Variants in MYO3A observed in about 807,000 individuals in gnomAD.
The protein encoded by MYO3A is myosin-IIIa.
MYO3A carries 180 observed loss-of-function variants against 192.7 expected under a neutral mutation model. The ratio of observed to expected loss-of-function variants is 0.93; its 90% CI spans 0.83 to 1.06. The LOEUF (loss-of-function observed/expected upper bound fraction) is 1.06. Among genes scored for constraint, MYO3A ranks in the 50% least tolerant of loss-of-function variants. MYO3A has a pLI of 0.00. For missense variants in MYO3A, 1,896 were observed against 1,905.0 expected (o/e 1.00, Z 0.09); for synonymous variants, 628 against 645.3 (o/e 0.97, Z 0.41).
chr10:26,029,819 C>T (rs1842726865), intron 10 of MYO3A, among the ~76,000 whole-genome samples: 1 of 152,066 alleles, frequency 6.6e-6, no homozygotes, highest in South Asian at 2.1e-4. Context: ...TATTTGGTTT[C>T]CTTAGTCTAG....
intron 6 of MYO3A, among the ~76,000 whole-genome samples, chr10:26,016,473 A>C (rs923542807): frequency 6.6e-6 from 1 of 152,234 alleles, no homozygotes; most frequent in Non-Finnish European, 1.5e-5. Context: ...CATTCAAATA[A>C]CAATTACATG....
Position 26,128,518 on chromosome 10 carries a change from CAT to C in MYO3A, c.2243_2244del (p.His748ArgfsTer8), listed in dbSNP as rs1564576574. 1.9e-6 allele frequency: 3 copies of C among 1,611,290 alleles called. No individual in the cohort carries two copies. The African/African-American group carries it at 4.0e-5, about 22-fold the overall frequency. The stretch of plus-strand genomic sequence containing the variant: ...ACAAATTCAGTATTATTATAATCAA[CAT>C]GTGTTTGCATGGGAACAGGTAAGTC... ...NEQIQYYYNQ[H>X]VFAWEQNEYL... is the part of the protein sequence containing the mutation. On this transcript the variant is annotated frameshift_variant, in exon 20 of 35. Transcript: ENST00000642920. LOFTEE classifies it high-confidence loss of function.
At chr10:26,112,467 G>C (rs986866303) in intron 17 of MYO3A, among the ~76,000 whole-genome samples, 2 of 152,154 alleles carry the variant, frequency 1.3e-5, no homozygotes, top group African/African-American at 2.4e-5. Flanking sequence ...GACAATAGCT[G>C]CTTCTAATCT....
In MYO3A at chr10:26,193,193, CCTTT is replaced by C. The variant is rs759243271; in HGVS notation, c.4439-8_4439-5del. 1.3e-6 allele frequency: 2 copies of C among 1,582,140 alleles called. No individual in the cohort carries two copies. The highest frequency in any genetic ancestry group is 2.2e-5 in the East Asian group (1 of 44,696). Reference sequence around the variant, plus strand: ...GTAATTAAATACTTGTTTATGATCACCTTTCTTATAGGTGTCTGTAAAGGAGAGG... The same window carrying C: ...GTAATTAAATACTTGTTTATGATCACCTTATAGGTGTCTGTAAAGGAGAGG... On this transcript the variant is annotated splice_region_variant and splice_polypyrimidine_tract_variant and intron_variant, in intron 31 of 34. Transcript: ENST00000642920.
intron 10 of MYO3A, among the ~76,000 whole-genome samples, chr10:26,046,821 G>A (rs1322265671): frequency 1.3e-5 from 2 of 152,200 alleles, no homozygotes; most frequent in African/African-American, 2.4e-5. Flanking sequence ...TGAAGTTCAC[G>A]TGGAATCATT....
chr10:26,016,924 C>T (rs371428057), intron 7 of MYO3A, 28 bp downstream of exon 7: 77 of 1,593,094 alleles, frequency 4.8e-5, no homozygotes, highest in Admixed American at 1.0e-4. Flanking sequence ...GGCAGACAAA[C>T]GTAATAGCTG....
intron 14 of MYO3A, among the ~76,000 whole-genome samples, chr10:26,073,647 AATGAT>A (rs1835353304): frequency 4.6e-5 from 2 of 43,766 alleles, no homozygotes; most frequent in African/African-American, 5.9e-5. Context: ...TAATAATAAT[AATGAT>A]AATAAATAAA....
intron 4 of MYO3A, among the ~76,000 whole-genome samples, chr10:25,974,297 T>A (rs955879798): frequency 1.3e-5 from 2 of 152,186 alleles, no homozygotes; most frequent in Non-Finnish European, 2.9e-5. Flanking sequence ...AAATAATTTT[T>A]TAAAAGGTAT....
intron 4 of MYO3A, among the ~76,000 whole-genome samples, chr10:25,977,600 A>T (rs1839037870): frequency 6.6e-6 from 1 of 152,156 alleles, no homozygotes; most frequent in Non-Finnish European, 1.5e-5. Context: ...TAAAAATTAA[A>T]ATAAGTGGGG....
intron 10 of MYO3A, among the ~76,000 whole-genome samples, chr10:26,061,303 T>C (rs1834463851): frequency 6.6e-6 from 1 of 152,168 alleles, no homozygotes; most frequent in Non-Finnish European, 1.5e-5. Flanking sequence ...CACAACTTTC[T>C]CAAGGTATAG....
intron 10 of MYO3A, among the ~76,000 whole-genome samples, chr10:26,050,469 C>T (rs1229312609): frequency 1.3e-5 from 2 of 152,312 alleles, no homozygotes; most frequent in East Asian, 1.9e-4. Flanking sequence ...GTTAAAGGGA[C>T]TGTGCCACTC....
At chr10:26,052,914 G>A (rs1844091308) in intron 10 of MYO3A, among the ~76,000 whole-genome samples, 1 of 151,866 alleles carries the variant, frequency 6.6e-6, no homozygotes, top group Admixed American at 6.6e-5. Flanking sequence ...TGACAACACT[G>A]AAAGAAAATA....
rs757850769 is a variant in MYO3A, at chr10:26,024,107, T to TA, written c.797+26dup. The TA allele has an allele frequency of 2.0e-5, 32 of 1,596,926 alleles. No homozygotes were observed. In the East Asian group the frequency reaches 6.5e-4, roughly 32 times the overall value. ...AAGCAAGTGAGTAAAAACAGTCTTT[T>TA]AAAAAACCAAAGATATTCCCTCCTG... On this transcript the variant is annotated intron_variant, in intron 9 of 34. Transcript: ENST00000642920.
chr10:25,946,696 G>A (rs1233811191), intron 2 of MYO3A, among the ~76,000 whole-genome samples: 2 of 151,262 alleles, frequency 1.3e-5, no homozygotes, highest in Non-Finnish European at 2.9e-5. Flanking sequence ...TGGCTAACAC[G>A]GTGAAACCCC....
intron 17 of MYO3A, among the ~76,000 whole-genome samples, chr10:26,115,902 T>C (rs1838473507): frequency 6.6e-6 from 1 of 152,210 alleles, no homozygotes; most frequent in South Asian, 2.1e-4. Context: ...CAAAATATGT[T>C]CTGCTTTTCA....
chr10:25,949,231 T>C (rs191153838), intron 2 of MYO3A, among the ~76,000 whole-genome samples: 2 of 152,240 alleles, frequency 1.3e-5, no homozygotes, highest in East Asian at 3.9e-4. Context: ...TTTGCACATA[T>C]TTGTTGTTCA....
At chr10:26,090,732 T>C (rs16926578) in intron 15 of MYO3A, among the ~76,000 whole-genome samples, 8,572 of 152,270 alleles carry the variant, frequency 0.056, 304 homozygotes, top group African/African-American at 0.087. Flanking sequence ...TGCACTGTTA[T>C]CAATCAGGGT....
chr10:26,122,902 G>A (rs1272296764), intron 18 of MYO3A, among the ~76,000 whole-genome samples: 2 of 152,178 alleles, frequency 1.3e-5, no homozygotes, highest in African/African-American at 4.8e-5. Flanking sequence ...AATAAACAAT[G>A]TAGGAACAGA....
At chr10:25,991,214 A>G (rs143824909) in intron 4 of MYO3A, among the ~76,000 whole-genome samples, 14,543 of 152,226 alleles carry the variant, frequency 0.096, 1,236 homozygotes, top group African/African-American at 0.22. Context: ...TCTAACTGGC[A>G]TGAGATGATA....
Sources: gnomAD v4.1 joint callset for allele counts (sites outside exome capture counted in the v4.1 genomes callset) on GRCh38, gnomAD v4.1.1 for gene constraint, MANE v1.5 for transcripts, NCBI Gene and HGNC (gene_info 2026-07-23, HGNC 2026-07-21) for gene names.